The following C1orf105 variants were observed in gnomAD, a reference collection of about 807,000 sequenced individuals.
C1orf105 encodes chromosome 1 open reading frame 105.
A neutral mutation model predicts 20.8 loss-of-function variants in C1orf105; 17 were observed. The ratio of observed to expected loss-of-function variants is 0.82; its 90% CI spans 0.56 to 1.23. The LOEUF (loss-of-function observed/expected upper bound fraction) is 1.23, where lower values mean the gene tolerates loss of function less well. Among genes scored for constraint, C1orf105 ranks in the 50% most tolerant of loss-of-function variants. The pLI, the probability that C1orf105 is intolerant of heterozygous loss-of-function variation, is 0.00. For missense variants in C1orf105, 219 were observed against 213.5 expected, an observed-to-expected ratio of 1.03 and a Z score of -0.16; for synonymous variants, 72 against 72.1, an observed-to-expected ratio of 1.00 and a Z score of 0.01.
intron 6 of C1orf105, among the ~76,000 whole-genome samples, chr1:172,467,402 G>T (rs1176544824): frequency 6.6e-6 from 1 of 152,178 alleles, no homozygotes; most frequent in Admixed American, 6.5e-5. Context: ...GAAATAGAAA[G>T]AACTTATCTT....
intron 3 of C1orf105, 131 bp downstream of exon 3, chr1:172,448,662 A>G: frequency 1.7e-6 from 1 of 589,522 alleles, no homozygotes; most frequent in Non-Finnish European, 3.0e-6. Flanking sequence ...ATATTTGTTA[A>G]ATGAAATGAA....
intron 1 of C1orf105, chr1:172,430,204 T>C (rs544006383): frequency 5.8e-4 from 344 of 590,640 alleles, no homozygotes; most frequent in Non-Finnish European, 9.4e-4. Flanking sequence ...GTGGTTTAAA[T>C]ATAAGAGACT....
intron 1 of C1orf105, among the ~76,000 whole-genome samples, chr1:172,427,878 C>T (rs1209330163): frequency 1.3e-5 from 2 of 152,196 alleles, no homozygotes; most frequent in East Asian, 3.9e-4. Context: ...ATTTATATTG[C>T]CAACAAATCC....
chr1:172,431,838 A>G (rs2071883430), intron 1 of C1orf105, among the ~76,000 whole-genome samples: 1 of 152,246 alleles, frequency 6.6e-6, no homozygotes, highest in Non-Finnish European at 1.5e-5. Flanking sequence ...TTCCTAGCCA[A>G]GGGAAGCCGT....
intron 4 of C1orf105, among the ~76,000 whole-genome samples, chr1:172,458,036 G>T (rs1558143060): frequency 1.3e-5 from 2 of 152,036 alleles, no homozygotes; most frequent in African/African-American, 4.8e-5. Context: ...GAAATACTGG[G>T]GAATATATAA....
chr1:172,430,373 G>A (rs531916644), intron 1 of C1orf105: 7 of 656,454 alleles, frequency 1.1e-5, no homozygotes, highest in Non-Finnish European at 1.9e-5. Flanking sequence ...GCAGTTAAGG[G>A]CTCTGGATTG....
intron 4 of C1orf105, 148 bp downstream of exon 4, chr1:172,456,637 G>A (rs743948): frequency 0.039 from 27,059 of 690,530 alleles, 634 homozygotes; most frequent in Middle Eastern, 0.088. Flanking sequence ...TGTTGGTCCT[G>A]GGAGCAGCAT....
chr1:172,438,553 AG>A (rs1433125039), intron 1 of C1orf105, among the ~76,000 whole-genome samples: 1 of 152,232 alleles, frequency 6.6e-6, no homozygotes, highest in Non-Finnish European at 1.5e-5. Context: ...TACTATGAGT[AG>A]CAAGAAAAGT....
chr1:172,429,223 T>TAC (rs3838965), intron 1 of C1orf105, among the ~76,000 whole-genome samples: 28 of 150,976 alleles, frequency 1.9e-4, no homozygotes, highest in African/African-American at 5.8e-4. Flanking sequence ...AATACAAATA[T>TAC]ACACACACAC....
At chr1:172,431,082 T>A (rs1237053198) in intron 1 of C1orf105, 3 of 662,132 alleles carry the variant, frequency 4.5e-6, no homozygotes, top group Non-Finnish European at 8.2e-6. Flanking sequence ...CACAACAGTA[T>A]CAAAATTAAG....
chr1:172,442,954 G>C (rs1202881458), intron 1 of C1orf105: 3 of 231,710 alleles, frequency 1.3e-5, no homozygotes, highest in Non-Finnish European at 2.8e-5. Flanking sequence ...TCACCTTATG[G>C]GACATTAAAA....
rs568811793 is a variant in C1orf105, at chr1:172,435,741, G to A, written c.22-9332G>A. On this transcript the variant is annotated intron_variant, in intron 1 of 6. Coordinates refer to ENST00000367727, the MANE Select transcript of C1orf105 (RefSeq NM_139240.4). ...ATTCAACATAGTGTTGGAAGTTCTC[G>A]CCAGGGCAATCAGCCAAGAGAAAGA... Among the ~76,000 whole-genome samples, 42 of 152,228 alleles carry A rather than the reference G, an allele frequency of 2.8e-4. No individual in the cohort carries two copies. The South Asian group carries it at 3.9e-3, about 14-fold the overall frequency.
chr1:172,459,344 A>G (rs1649528416), intron 4 of C1orf105, among the ~76,000 whole-genome samples: 5 of 152,322 alleles, frequency 3.3e-5, no homozygotes, highest in Admixed American at 3.3e-4. Flanking sequence ...AAACTCAACA[A>G]TAAAAAGGCA....
intron 1 of C1orf105, among the ~76,000 whole-genome samples, chr1:172,434,224 G>T (rs2071964349): frequency 6.6e-6 from 1 of 152,118 alleles, no homozygotes; most frequent in South Asian, 2.1e-4. Flanking sequence ...GGATAACCAG[G>T]ATTGAACTCA....
At chr1:172,425,329 T>C (rs2071695665) in intron 1 of C1orf105, among the ~76,000 whole-genome samples, 3 of 152,206 alleles carry the variant, frequency 2.0e-5, no homozygotes, top group Admixed American at 2.0e-4. Context: ...CTACCCCACC[T>C]CTGGGGAATT....
intron 1 of C1orf105, among the ~76,000 whole-genome samples, chr1:172,435,416 C>G (rs2072008206): frequency 6.6e-6 from 1 of 152,180 alleles, no homozygotes; most frequent in Non-Finnish European, 1.5e-5. Flanking sequence ...TTGGCTTCAT[C>G]CCTGGGATGC....
chr1:172,462,753 G>A (rs545885972), intron 5 of C1orf105, among the ~76,000 whole-genome samples: 104 of 151,992 alleles, frequency 6.8e-4, no homozygotes, highest in Non-Finnish European at 1.3e-3. Context: ...TTTTTTGTGT[G>A]TTTTGTTTTG....
intron 6 of C1orf105, among the ~76,000 whole-genome samples, chr1:172,466,237 A>G (rs187714688): frequency 6.6e-6 from 1 of 152,282 alleles, no homozygotes; most frequent in East Asian, 1.9e-4. Context: ...AACTCAGGTT[A>G]CAGCTGAGGT....
At chr1:172,435,876 CTGA>C (rs1280447243) in intron 1 of C1orf105, among the ~76,000 whole-genome samples, 1 of 152,200 alleles carries the variant, frequency 6.6e-6, no homozygotes. Context: ...TCTCCTTAAG[CTGA>C]TAAGCAACTT....
Sources: allele counts gnomAD v4.1 joint callset (sites outside exome capture counted in the v4.1 genomes callset), GRCh38; gene constraint gnomAD v4.1.1; transcripts MANE v1.5; gene names NCBI Gene and HGNC (gene_info 2026-07-23, HGNC 2026-07-21).